Variants in SMYD3 observed in about 807,000 individuals in gnomAD.
SMYD3 encodes the protein SET and MYND domain containing 3, also known as histone-lysine N-methyltransferase SMYD3.
SMYD3 carries 36 observed loss-of-function variants against 57.7 expected under a neutral mutation model. The observed-to-expected ratio is 0.62, with a 90% CI of 0.48 to 0.82. The LOEUF (loss-of-function observed/expected upper bound fraction) is 0.82, where lower values mean the gene tolerates loss of function less well. Ranked by LOEUF, SMYD3 falls within the 40% of genes least tolerant of loss-of-function variation. The pLI, the probability that SMYD3 is intolerant of heterozygous loss-of-function variation, is 0.00. For missense variants in SMYD3, 515 were observed against 538.8 expected (o/e 0.96, Z 0.44); for synonymous variants, 211 against 195.0 (o/e 1.08, Z -0.68).
At chr1:246,162,981 T>C (rs1374745004) in intron 5 of SMYD3, among the ~76,000 whole-genome samples, 1 of 152,234 alleles carries the variant, frequency 6.6e-6, no homozygotes, top group Non-Finnish European at 1.5e-5. Context: ...TTTAACCACC[T>C]TCATCTGTAT....
At chr1:246,418,438 C>T (rs2067095753) in intron 1 of SMYD3, among the ~76,000 whole-genome samples, 1 of 152,184 alleles carries the variant, frequency 6.6e-6, no homozygotes, top group South Asian at 2.1e-4. Flanking sequence ...TGTATGTTTA[C>T]AGCTCCTGAA....
Position 246,371,617 on chromosome 1 carries a change from T to G in SMYD3, c.165-16523A>C, listed in dbSNP as rs560516178. 1.7e-4 allele frequency among the ~76,000 whole-genome samples: 26 copies of G among 152,342 alleles called. 1 individual carries two copies. The highest frequency in any genetic ancestry group is 1.0e-3 in the South Asian group (5 of 4,830). The stretch of plus-strand genomic sequence containing the variant: ...TTTAAAAAGTACCATGGGTAAAATT[T>G]CAAATAAGGTATAACAATATTTGAT... On this transcript the variant is annotated intron_variant, in intron 1 of 11. Coordinates refer to ENST00000490107, the MANE Select transcript of SMYD3 (RefSeq NM_001167740.2).
At chr1:246,164,351 C>T (rs2062170228) in intron 5 of SMYD3, among the ~76,000 whole-genome samples, 2 of 152,252 alleles carry the variant, frequency 1.3e-5, no homozygotes, top group Non-Finnish European at 2.9e-5. Context: ...ACCCGGGAGG[C>T]GGAGGTTGCA....
intron 5 of SMYD3, among the ~76,000 whole-genome samples, chr1:246,001,635 G>T (rs1216814501): frequency 1.3e-5 from 2 of 152,210 alleles, no homozygotes; most frequent in East Asian, 3.9e-4. Flanking sequence ...ATACATAAAT[G>T]ACTAACATTT....
chr1:246,122,461 T>C (rs2061438810), intron 5 of SMYD3, among the ~76,000 whole-genome samples: 1 of 152,210 alleles, frequency 6.6e-6, no homozygotes, highest in Admixed American at 6.5e-5. Context: ...TATTCGTATA[T>C]GACAGAACTA....
chr1:245,857,268 C>G (rs1014059137), intron 10 of SMYD3, among the ~76,000 whole-genome samples: 1 of 152,214 alleles, frequency 6.6e-6, no homozygotes, highest in Non-Finnish European at 1.5e-5. Context: ...GGTGGAGCCT[C>G]TGCCGTCTTC....
At chr1:246,129,808 A>G (rs1434964968) in intron 5 of SMYD3, among the ~76,000 whole-genome samples, 1 of 152,200 alleles carries the variant, frequency 6.6e-6, no homozygotes, top group Non-Finnish European at 1.5e-5. Flanking sequence ...AAAAATGGAT[A>G]TAAGCCCATA....
intron 1 of SMYD3, among the ~76,000 whole-genome samples, chr1:246,501,298 A>C (rs2068452636): frequency 6.6e-6 from 1 of 152,192 alleles, no homozygotes; most frequent in Admixed American, 6.5e-5. Flanking sequence ...TATTTTAGCC[A>C]ATGTGAGAAT....
rs186787969 is a variant in SMYD3 at position 245,757,577 on chromosome 1, C to A, written c.1185+6464G>T. Among the ~76,000 whole-genome samples, 240 of 152,150 alleles carry A rather than the reference C, an allele frequency of 1.6e-3. 1 individual carries two copies. The highest frequency in any genetic ancestry group is 3.0e-3 in the Non-Finnish European group (201 of 67,940). ...GAAGCTTTTGCTCATATGTTTAGGTCTTTGATCCATTTTGAGTTACTTTAT... is the reference window on the plus strand; with the variant it reads ...GAAGCTTTTGCTCATATGTTTAGGTATTTGATCCATTTTGAGTTACTTTAT... On this transcript the variant is annotated intron_variant, in intron 11 of 11. Coordinates refer to ENST00000490107, the MANE Select transcript of SMYD3 (RefSeq NM_001167740.2).
chr1:246,091,080 T>C (rs185630306), intron 5 of SMYD3, among the ~76,000 whole-genome samples: 1 of 152,286 alleles, frequency 6.6e-6, no homozygotes, highest in Non-Finnish European at 1.5e-5. Context: ...CAGGCATCCG[T>C]CAGCCAGTTA....
At chr1:245,942,123 T>A (rs893151812) in intron 5 of SMYD3, among the ~76,000 whole-genome samples, 1 of 152,140 alleles carries the variant, frequency 6.6e-6, no homozygotes, top group African/African-American at 2.4e-5. Flanking sequence ...AATTCACACA[T>A]AACAATATTA....
rs151061507 is a variant in SMYD3, at chr1:246,136,407, T to C, written c.531+190794A>G. Reference sequence around the variant, plus strand: ...ACCTCATGGAGGAGCCCGGAGACAGTTGTGAATAATGCTGCCCCATCTGAG... The same window carrying C: ...ACCTCATGGAGGAGCCCGGAGACAGCTGTGAATAATGCTGCCCCATCTGAG... On this transcript the variant is annotated intron_variant, in intron 5 of 11. Transcript: ENST00000490107. 5.3e-3 allele frequency among the ~76,000 whole-genome samples: 807 copies of C among 152,234 alleles called. 4 individuals are homozygous for C. The highest frequency in any genetic ancestry group is 5.8e-3 in the Non-Finnish European group (395 of 68,026).
chr1:246,370,188 A>T (rs1371744627), intron 1 of SMYD3, among the ~76,000 whole-genome samples: 1 of 152,222 alleles, frequency 6.6e-6, no homozygotes, highest in Non-Finnish European at 1.5e-5. Flanking sequence ...ACCGGCCACC[A>T]TGGGCATCAT....
intron 5 of SMYD3, among the ~76,000 whole-genome samples, chr1:246,076,549 A>G (rs900841548): frequency 6.6e-6 from 1 of 152,210 alleles, no homozygotes; most frequent in Admixed American, 6.5e-5. Flanking sequence ...ACTAGTACAT[A>G]AACAAATGAC....
At chr1:246,335,294 G>A (rs1572393788) in intron 3 of SMYD3, 73 bp downstream of exon 3, 1 of 1,272,516 alleles carries the variant, frequency 7.9e-7, no homozygotes, top group African/African-American at 1.5e-5. Context: ...CATCTCTGAG[G>A]TATACCGGAA....
intron 1 of SMYD3, among the ~76,000 whole-genome samples, chr1:246,424,975 T>A (rs1233227014): frequency 6.6e-6 from 1 of 152,236 alleles, no homozygotes; most frequent in Admixed American, 6.5e-5. Context: ...AATCAAGTAC[T>A]AACTATGATA....
intron 5 of SMYD3, among the ~76,000 whole-genome samples, chr1:246,261,708 A>T (rs57935506): frequency 4.4e-4 from 24 of 54,166 alleles, no homozygotes; most frequent in Middle Eastern, 5.3e-3. Flanking sequence ...ATAAGAATTT[A>T]AAAAAAAAAT....
intron 10 of SMYD3, among the ~76,000 whole-genome samples, chr1:245,837,837 G>T (rs528467485): frequency 5.3e-5 from 8 of 152,156 alleles, no homozygotes; most frequent in Non-Finnish European, 1.2e-4. Flanking sequence ...ATTTGTGTCT[G>T]GGGAAAGGCA....
At chr1:246,197,072 A>T (rs1317389788) in intron 5 of SMYD3, among the ~76,000 whole-genome samples, 1 of 152,230 alleles carries the variant, frequency 6.6e-6, no homozygotes, top group East Asian at 1.9e-4. Flanking sequence ...CCCTGCGGCC[A>T]AAAGTTAGAA....
Sources: allele counts gnomAD v4.1 joint callset (sites outside exome capture counted in the v4.1 genomes callset), GRCh38; gene constraint gnomAD v4.1.1; transcripts MANE v1.5; gene names NCBI Gene and HGNC (gene_info 2026-07-23, HGNC 2026-07-21).